The following TENM2 variants were observed in gnomAD, a reference collection of about 807,000 sequenced individuals.
TENM2 encodes teneurin transmembrane protein 2.
TENM2 carries 52 observed loss-of-function variants against 245.2 expected under a neutral mutation model. The ratio of observed to expected loss-of-function variants is 0.21; its 90% CI spans 0.17 to 0.27. TENM2 has a LOEUF of 0.27. Among genes scored for constraint, TENM2 ranks in the 10% least tolerant of loss-of-function variants. The pLI, the probability that TENM2 is intolerant of heterozygous loss-of-function variation, is 1.00. For missense variants in TENM2, 3,046 were observed against 3,666.8 expected, an observed-to-expected ratio of 0.83 and a Z score of 4.37; for synonymous variants, 1,363 against 1,438.9, an observed-to-expected ratio of 0.95 and a Z score of 1.19.
At chr5:167,411,301 G>A (rs900359029) in intron 2 of TENM2, among the ~76,000 whole-genome samples, 5 of 152,008 alleles carry the variant, frequency 3.3e-5, no homozygotes, top group Non-Finnish European at 2.9e-5. Flanking sequence ...ATCATCTGAG[G>A]TACTGGATTT....
At chr5:167,784,669 C>A (rs1328645643) in intron 2 of TENM2, among the ~76,000 whole-genome samples, 1 of 152,128 alleles carries the variant, frequency 6.6e-6, no homozygotes, top group Non-Finnish European at 1.5e-5. Flanking sequence ...CCATGTTTTC[C>A]TGTCAGCCAG....
chr5:167,927,480 C>T (rs1777850999), intron 3 of TENM2, among the ~76,000 whole-genome samples: 1 of 152,150 alleles, frequency 6.6e-6, no homozygotes, highest in Non-Finnish European at 1.5e-5. Context: ...GATGCAGGGA[C>T]ACCAACGGGG....
Position 167,617,322 on chromosome 5 carries a change from A to T in TENM2, c.502+241849A>T, listed in dbSNP as rs189758855. ...TCTGTGGTTTAGTTAATAGTGTTAC[A>T]CCAGTGACAATGTTCTGGGTTTGAT... On this transcript the variant is annotated intron_variant, in intron 2 of 28. Coordinates refer to ENST00000518659, the Ensembl canonical transcript of TENM2. Among the ~76,000 whole-genome samples the T allele has an allele frequency of 2.6e-5, 4 of 152,288 alleles. No homozygotes were observed. In the East Asian group the frequency reaches 7.7e-4, roughly 29 times the overall value.
At chr5:167,181,466 T>TTGTGTGTGTG in the TENM2 span, among the ~76,000 whole-genome samples, 1,934 of 122,494 alleles carry the variant, frequency 0.016, 41 homozygotes, top group African/African-American at 0.032. Context: ...AGCCGCTCGT[T>TTGTGTGTGTG]TGTGTGTGTG....
intron 2 of TENM2, among the ~76,000 whole-genome samples, chr5:167,490,568 A>G (rs1768367184): frequency 6.6e-6 from 1 of 152,146 alleles, no homozygotes; most frequent in Non-Finnish European, 1.5e-5. Context: ...TATATATGGT[A>G]CACAGATCTC....
chr5:167,958,263 A>T (rs1394942295), intron 4 of TENM2, among the ~76,000 whole-genome samples: 6 of 152,240 alleles, frequency 3.9e-5, no homozygotes, highest in African/African-American at 1.4e-4. Context: ...TTGTTGGTTT[A>T]AAGTCTGTGT....
intron 2 of TENM2, among the ~76,000 whole-genome samples, chr5:167,543,489 A>G (rs1346510318): frequency 3.9e-5 from 6 of 152,138 alleles, no homozygotes; most frequent in Admixed American, 3.9e-4. Flanking sequence ...GAGTAATAAT[A>G]TAATAGACTT....
At chr5:167,778,497 C>G (rs74607673) in intron 2 of TENM2, among the ~76,000 whole-genome samples, 4 of 152,104 alleles carry the variant, frequency 2.6e-5, no homozygotes, top group African/African-American at 9.7e-5. Context: ...GAGAGTAACT[C>G]GGTACCTGCT....
the TENM2 span, among the ~76,000 whole-genome samples, chr5:167,062,048 C>T: frequency 7.2e-5 from 11 of 151,922 alleles, no homozygotes; most frequent in African/African-American, 2.7e-4. Flanking sequence ...GTAAAAGTGG[C>T]TTCATGGCAC....
chr5:167,136,189 AC>A, the TENM2 span, among the ~76,000 whole-genome samples: 1 of 152,208 alleles, frequency 6.6e-6, no homozygotes, highest in South Asian at 2.1e-4. Flanking sequence ...CTGCATACCA[AC>A]CCAGCTGGAT....
At chr5:168,022,563 A>G (rs1377205020) in intron 5 of TENM2, among the ~76,000 whole-genome samples, 1 of 152,168 alleles carries the variant, frequency 6.6e-6, no homozygotes, top group Admixed American at 6.5e-5. Flanking sequence ...ACTCGGGTTA[A>G]GTTTTGCTTT....
rs535788288 is a variant in TENM2, at chr5:168,036,403, G to A, written c.1187-11024G>A. On this transcript the variant is annotated intron_variant, in intron 5 of 28. Coordinates refer to ENST00000518659, the Ensembl canonical transcript of TENM2. ...TGTAATCCCAGCACTTTGGGAGGCC[G>A]AGGCAGGCGGATCACCTGAGGTCAG... Among the ~76,000 whole-genome samples the A allele has an allele frequency of 1.1e-4, 16 of 152,128 alleles. No homozygotes were observed. The South Asian group carries it at 3.1e-3, about 30-fold the overall frequency.
At chr5:167,725,408 A>G (rs150889237) in intron 2 of TENM2, among the ~76,000 whole-genome samples, 1 of 152,350 alleles carries the variant, frequency 6.6e-6, no homozygotes, top group East Asian at 1.9e-4. Flanking sequence ...TGTTTACATA[A>G]TAAATCTATT....
chr5:167,705,245 C>T (rs1365094752), intron 2 of TENM2, among the ~76,000 whole-genome samples: 1 of 152,146 alleles, frequency 6.6e-6, no homozygotes, highest in Admixed American at 6.5e-5. Flanking sequence ...ATGACTGGGA[C>T]TGTGCTGAGC....
chr5:167,038,803 T>C, the TENM2 span, among the ~76,000 whole-genome samples: 2 of 152,210 alleles, frequency 1.3e-5, no homozygotes, highest in Non-Finnish European at 2.9e-5. Context: ...AGACTTTCTT[T>C]CAGTGAAACA....
At chr5:167,826,406 A>C (rs1008762184) in intron 2 of TENM2, among the ~76,000 whole-genome samples, 1 of 152,130 alleles carries the variant, frequency 6.6e-6, no homozygotes, top group Non-Finnish European at 1.5e-5. Context: ...ACCTGCACCC[A>C]AAAAGCCAGC....
At chr5:167,003,552 T>C in the TENM2 span, among the ~76,000 whole-genome samples, 1 of 152,192 alleles carries the variant, frequency 6.6e-6, no homozygotes, top group Non-Finnish European at 1.5e-5. Context: ...ATCAATTTAA[T>C]TTATTGTGAC....
chr5:167,425,374 G>A (rs768045254), intron 2 of TENM2, among the ~76,000 whole-genome samples: 1 of 152,158 alleles, frequency 6.6e-6, no homozygotes, highest in Non-Finnish European at 1.5e-5. Context: ...TCGTTTGTAA[G>A]TGTGGAGATA....
chr5:168,057,177 T>G (rs1789616475), intron 6 of TENM2, among the ~76,000 whole-genome samples: 1 of 151,686 alleles, frequency 6.6e-6, no homozygotes, highest in South Asian at 2.1e-4. Flanking sequence ...AAACACTAGC[T>G]TGTTTAACAA....
Sources: gnomAD v4.1 joint callset for allele counts (sites outside exome capture counted in the v4.1 genomes callset) on GRCh38, gnomAD v4.1.1 for gene constraint, MANE v1.5 for transcripts, NCBI Gene and HGNC (gene_info 2026-07-23, HGNC 2026-07-21) for gene names.